ADAMTS17: variants seen among roughly 807,000 people sequenced by gnomAD.
ADAMTS17 encodes ADAM metallopeptidase with thrombospondin type 1 motif 17.
Under a neutral mutation model 141.5 loss-of-function variants are expected in ADAMTS17, and 113 were observed. The ratio of observed to expected loss-of-function variants is 0.80; its 90% CI spans 0.69 to 0.93. ADAMTS17 has a LOEUF of 0.93. Among genes scored for constraint, ADAMTS17 ranks in the 40% least tolerant of loss-of-function variants. ADAMTS17 has a pLI of 0.00. For synonymous variants in ADAMTS17, 768 were observed against 630.6 expected, an observed-to-expected ratio of 1.22 and a Z score of -3.27; for missense variants, 1,659 against 1,517.9, an observed-to-expected ratio of 1.09 and a Z score of -1.54.
At chr15:100,162,482 T>C (rs1311534531) in intron 8 of ADAMTS17, among the ~76,000 whole-genome samples, 1 of 134,460 alleles carries the variant, frequency 7.4e-6, no homozygotes, top group East Asian at 2.5e-4. Flanking sequence ...TATATGTGTA[T>C]ATATATGCAC....
intron 6 of ADAMTS17, among the ~76,000 whole-genome samples, chr15:100,259,131 T>C (rs896600144): frequency 7.2e-5 from 11 of 152,238 alleles, no homozygotes; most frequent in African/African-American, 2.7e-4. Context: ...TGAAAACTCT[T>C]CTCAAAGTAG....
intron 2 of ADAMTS17, among the ~76,000 whole-genome samples, chr15:100,334,794 T>G (rs2046159650): frequency 6.6e-6 from 1 of 152,176 alleles, no homozygotes; most frequent in Non-Finnish European, 1.5e-5. Flanking sequence ...TCCTTGGTAA[T>G]GTGGGGGTCC....
At chr15:100,012,022 G>C (rs1489925266) in intron 18 of ADAMTS17, among the ~76,000 whole-genome samples, 1 of 152,180 alleles carries the variant, frequency 6.6e-6, no homozygotes, top group African/African-American at 2.4e-5. Context: ...GTGTAGAAGT[G>C]TTCCCTGATC....
intron 12 of ADAMTS17, among the ~76,000 whole-genome samples, chr15:100,130,388 C>G (rs1044943107): frequency 6.6e-6 from 1 of 151,846 alleles, no homozygotes; most frequent in East Asian, 1.9e-4. Flanking sequence ...AAAGTCATTC[C>G]TAACAGACTA....
At chr15:100,239,155 T>G (rs1330267951) in intron 7 of ADAMTS17, among the ~76,000 whole-genome samples, 1 of 152,236 alleles carries the variant, frequency 6.6e-6, no homozygotes, top group East Asian at 1.9e-4. Context: ...AGAGCCTAGC[T>G]TGGCTGCTTA....
At chr15:100,017,703 C>T (rs1282727930) in intron 18 of ADAMTS17, among the ~76,000 whole-genome samples, 1 of 152,188 alleles carries the variant, frequency 6.6e-6, no homozygotes, top group Non-Finnish European at 1.5e-5. Context: ...TGGGCACTCA[C>T]AGTATTTGGA....
intron 18 of ADAMTS17, among the ~76,000 whole-genome samples, chr15:100,001,993 C>CAAAAAAA (rs2060934929): frequency 8.9e-5 from 2 of 22,392 alleles, no homozygotes; most frequent in East Asian, 9.8e-4. Flanking sequence ...AAGGCCAAAC[C>CAAAAAAA]CAAAAAAAAA....
At chr15:100,246,602 C>G (rs1272828429) in intron 7 of ADAMTS17, among the ~76,000 whole-genome samples, 1 of 152,168 alleles carries the variant, frequency 6.6e-6, no homozygotes, top group African/African-American at 2.4e-5. Flanking sequence ...TGTGGATAAG[C>G]CCAGAACAGG....
intron 9 of ADAMTS17, among the ~76,000 whole-genome samples, chr15:100,154,018 T>C (rs991489511): frequency 9.9e-5 from 15 of 152,128 alleles, no homozygotes; most frequent in African/African-American, 3.6e-4. Context: ...CCATCTCTAC[T>C]AAAAATACAA....
chr15:100,003,028 A>T (rs1190003667), intron 18 of ADAMTS17, among the ~76,000 whole-genome samples: 1 of 151,956 alleles, frequency 6.6e-6, no homozygotes, highest in East Asian at 1.9e-4. Flanking sequence ...CCTCCCTCCT[A>T]TGGTGCAATG....
chr15:100,282,602 A>G (rs2044321394), intron 3 of ADAMTS17, among the ~76,000 whole-genome samples: 1 of 152,256 alleles, frequency 6.6e-6, no homozygotes, highest in African/African-American at 2.4e-5. Context: ...GTACTCACCT[A>G]TTTTTGATGC....
chr15:100,047,113 A>C (rs980161307), intron 18 of ADAMTS17, among the ~76,000 whole-genome samples: 1 of 151,960 alleles, frequency 6.6e-6, no homozygotes, highest in Non-Finnish European at 1.5e-5. Context: ...TGGTTGAGAC[A>C]GTAGGCATGA....
At chr15:100,192,120 G>C (rs768269209) in intron 8 of ADAMTS17, among the ~76,000 whole-genome samples, 1 of 152,212 alleles carries the variant, frequency 6.6e-6, no homozygotes, top group Non-Finnish European at 1.5e-5. Context: ...TAAGACTGCC[G>C]TGCCCAGTGG....
intron 10 of ADAMTS17, among the ~76,000 whole-genome samples, chr15:100,135,015 T>C (rs2038252919): frequency 6.6e-6 from 1 of 152,294 alleles, no homozygotes; most frequent in East Asian, 1.9e-4. Context: ...TGTGTGGACA[T>C]GTGCTCACAA....
rs978322263 is a variant in ADAMTS17, at chr15:100,070,241, G to C, written c.2138-16187C>G. Among the ~76,000 whole-genome samples the C allele has an allele frequency of 7.0e-5, 10 of 143,832 alleles. 1 individual carries two copies. The highest frequency in any genetic ancestry group is 2.5e-4 in the African/African-American group (10 of 40,056). 94.4% of individuals were successfully genotyped at this position (143,832 alleles called of 152,430 possible). A position where few individuals can be genotyped will look rare whatever the true frequency, so the allele number is the denominator to read the frequency against. Reference sequence around the variant, plus strand: ...ATACAGGAGCACCCAGATTCATAAAGCAAGTCCTGAGTGACCTACAAAGAG... The same window carrying C: ...ATACAGGAGCACCCAGATTCATAAACCAAGTCCTGAGTGACCTACAAAGAG... On this transcript the variant is annotated intron_variant, in intron 15 of 21. Transcript: ENST00000268070.
At chr15:100,017,550 T>C (rs2061315029) in intron 18 of ADAMTS17, among the ~76,000 whole-genome samples, 1 of 152,226 alleles carries the variant, frequency 6.6e-6, no homozygotes. Flanking sequence ...CGCTGCTTCC[T>C]CTACTTCTGT....
intron 12 of ADAMTS17, among the ~76,000 whole-genome samples, chr15:100,119,202 G>C (rs2037322954): frequency 6.6e-6 from 1 of 152,086 alleles, no homozygotes; most frequent in East Asian, 1.9e-4. Flanking sequence ...TGGACTTCCA[G>C]CCTCCAGGAC....
At position 100,338,474 on chromosome 15, in the gene ADAMTS17, T is replaced by C. The variant is rs549954686; in HGVS notation, c.450+2565A>G. 4.6e-5 allele frequency among the ~76,000 whole-genome samples: 7 copies of C among 152,284 alleles called. No homozygotes were observed. The South Asian group carries it at 1.2e-3, about 27-fold the overall frequency. ...TGATACTCAACATCCGGAACGAAGT[T>C]TTGTTGAACGTGGCCACATCCATTC... is the stretch of plus-strand genomic sequence containing the variant. On this transcript the variant is annotated intron_variant, in intron 2 of 21. Transcript: ENST00000268070.
chr15:100,293,437 G>A (rs1320717371), intron 3 of ADAMTS17, among the ~76,000 whole-genome samples: 2 of 152,190 alleles, frequency 1.3e-5, no homozygotes, highest in Non-Finnish European at 2.9e-5. Flanking sequence ...CGTGTGGATG[G>A]AGATAATGCT....
Sources: allele counts gnomAD v4.1 joint callset (sites outside exome capture counted in the v4.1 genomes callset), GRCh38; gene constraint gnomAD v4.1.1; transcripts MANE v1.5; gene names NCBI Gene and HGNC (gene_info 2026-07-23, HGNC 2026-07-21).